Variants in AK3 observed in about 807,000 individuals in gnomAD.
The protein encoded by AK3 is adenylate kinase 3.
A neutral mutation model predicts 23.7 loss-of-function variants in AK3; 27 were observed. The ratio of observed to expected loss-of-function variants is 1.14; its 90% CI spans 0.84 to 1.57. The LOEUF (loss-of-function observed/expected upper bound fraction) is 1.57. Ranked by LOEUF, AK3 falls within the 40% of genes most tolerant of loss-of-function variation. The pLI is 0.00. For missense variants in AK3, 406 were observed against 285.6 expected (o/e 1.42, Z -3.04); for synonymous variants, 159 against 116.0 (o/e 1.37, Z -2.38).
chr9:4,723,012 A>C (rs1000554863), intron 1 of AK3, among the ~76,000 whole-genome samples: 6 of 152,248 alleles, frequency 3.9e-5, no homozygotes, highest in Middle Eastern at 3.2e-3. Context: ...CAGAGGTTGC[A>C]GTGAGCCGAG....
At chr9:4,713,123 A>G in intron 4 of AK3, 27 bp from the exon 5 acceptor site, 1 of 1,611,964 alleles carries the variant, frequency 6.2e-7, no homozygotes, top group Non-Finnish European at 8.5e-7. Context: ...AACAAAACAA[A>G]CACACACAGG....
intron 1 of AK3, among the ~76,000 whole-genome samples, 180 bp from the exon 2 acceptor site, chr9:4,722,805 C>G (rs1841935440): frequency 6.6e-6 from 1 of 152,144 alleles, no homozygotes; most frequent in South Asian, 2.1e-4. Context: ...ACCTGTAACC[C>G]CAGCACTTTG....
chr9:4,715,555 T>A (rs937422290), intron 4 of AK3, among the ~76,000 whole-genome samples: 2 of 152,008 alleles, frequency 1.3e-5, no homozygotes, highest in African/African-American at 4.8e-5. Context: ...CCACCATGCC[T>A]GGCTAATATT....
At chr9:4,726,055 A>T (rs189379013) in intron 1 of AK3, among the ~76,000 whole-genome samples, 1 of 152,328 alleles carries the variant, frequency 6.6e-6, no homozygotes, top group African/African-American at 2.4e-5. Flanking sequence ...GTGCAATAGC[A>T]TTATGTCTAA....
intron 1 of AK3, among the ~76,000 whole-genome samples, chr9:4,738,349 A>G (rs1222970313): frequency 1.3e-5 from 2 of 152,098 alleles, no homozygotes; most frequent in Non-Finnish European, 2.9e-5. Context: ...TATTTTTAGT[A>G]GAGACAGGGT....
chr9:4,722,286 G>A (rs1841918281), intron 2 of AK3, among the ~76,000 whole-genome samples: 1 of 152,180 alleles, frequency 6.6e-6, no homozygotes, highest in South Asian at 2.1e-4. Flanking sequence ...AGGAACTAAA[G>A]TTACATCTGA....
chr9:4,719,077 T>C (rs1479061917), intron 3 of AK3, 58 bp downstream of exon 3: 1 of 1,588,382 alleles, frequency 6.3e-7, no homozygotes, highest in Non-Finnish European at 8.6e-7. Context: ...TTATGTCTGT[T>C]AGGGCAAGAG....
intron 2 of AK3, among the ~76,000 whole-genome samples, chr9:4,720,230 T>A (rs894575622): frequency 1.3e-5 from 2 of 152,200 alleles, no homozygotes; most frequent in African/African-American, 4.8e-5. Context: ...CAGGCAAATG[T>A]ACCTAATGAG....
chr9:4,738,751 A>T (rs1842353759), intron 1 of AK3, among the ~76,000 whole-genome samples: 1 of 149,378 alleles, frequency 6.7e-6, no homozygotes, highest in Non-Finnish European at 1.5e-5. Context: ...TTTATAATAA[A>T]TATGCTTTAC....
chr9:4,735,925 G>C (rs1483351771), intron 1 of AK3, among the ~76,000 whole-genome samples: 1 of 151,288 alleles, frequency 6.6e-6, no homozygotes, highest in Non-Finnish European at 1.5e-5. Flanking sequence ...GACCAGCCCG[G>C]CTAACATGGT....
chr9:4,737,954 A>T (rs956296580), intron 1 of AK3, among the ~76,000 whole-genome samples: 34 of 152,196 alleles, frequency 2.2e-4, no homozygotes, highest in African/African-American at 8.0e-4. Flanking sequence ...CAATGACTGG[A>T]AACTAAATTG....
chr9:4,716,161 A>C (rs1587636705), intron 4 of AK3, among the ~76,000 whole-genome samples: 1 of 152,286 alleles, frequency 6.6e-6, no homozygotes, highest in East Asian at 1.9e-4. Context: ...CATTACCAAT[A>C]AATTCCCCTT....
chr9:4,738,042 A>G (rs1468281618), intron 1 of AK3, among the ~76,000 whole-genome samples: 1 of 152,266 alleles, frequency 6.6e-6, no homozygotes, highest in Non-Finnish European at 1.5e-5. Context: ...TGAAGGAAAT[A>G]AGCAAAGATT....
intron 4 of AK3, among the ~76,000 whole-genome samples, chr9:4,717,416 T>C (rs184246466): frequency 4.7e-4 from 71 of 152,350 alleles, no homozygotes; most frequent in African/African-American, 1.6e-3. Context: ...ATGTAAGCTT[T>C]TAAAGACTGC....
chr9:4,716,116 C>T (rs529228267), intron 4 of AK3, among the ~76,000 whole-genome samples: 1 of 152,274 alleles, frequency 6.6e-6, no homozygotes, highest in African/African-American at 2.4e-5. Flanking sequence ...TTTTGAACAC[C>T]TGGACCCATC....
rs1423264070 is a variant in AK3 at position 4,712,779 on chromosome 9, AGAT to A, written c.*194_*196del. 5 of 544,222 alleles carry A rather than the reference AGAT, an allele frequency of 9.2e-6. No individual in the cohort carries two copies. Among genetic ancestry groups the A allele is most frequent in the Non-Finnish European group, 1.5e-5 (5 of 329,574 alleles). The allele number at this position is 544,222 out of a possible 1,614,324, so 33.7% of individuals were successfully genotyped here. On this transcript the variant is annotated 3_prime_UTR_variant, in exon 5 of 5. Coordinates refer to ENST00000381809, the MANE Select transcript of AK3 (RefSeq NM_016282.4). ...TGAGGATAACTGCATACAACACACTAGATGATTTCAAACGATGCATCTTAGTAT... is the reference window on the plus strand; with the variant it reads ...TGAGGATAACTGCATACAACACACTAGATTTCAAACGATGCATCTTAGTAT...
At position 4,716,640 on chromosome 9, in the gene AK3, G is replaced by A. The variant is rs144211283; in HGVS notation, c.563+1779C>T. Among the ~76,000 whole-genome samples, 25 of 152,232 alleles carry A rather than the reference G, an allele frequency of 1.6e-4. No individual in the cohort carries two copies. In the East Asian group the frequency reaches 4.2e-3, roughly 26 times the overall value. On this transcript the variant is annotated intron_variant, in intron 4 of 4. Coordinates refer to ENST00000381809, the MANE Select transcript of AK3 (RefSeq NM_016282.4). Reference sequence around the variant, plus strand: ...TTTATGCTCCAGAAAAAATTAAGATGGTTTGAAAGGCCAGGCATGGTGGCT... The same window carrying A: ...TTTATGCTCCAGAAAAAATTAAGATAGTTTGAAAGGCCAGGCATGGTGGCT...
At position 4,712,929 on chromosome 9, in the gene AK3, C is replaced by G. The variant is rs1841599720; in HGVS notation, c.*47G>C. ...GAAAAGCAGCTTCTAAATGCAAGGA[C>G]TAGGAGGTTTGCCCATCTTACTATT... On this transcript the variant is annotated 3_prime_UTR_variant, in exon 5 of 5. Coordinates refer to ENST00000381809, the MANE Select transcript of AK3 (RefSeq NM_016282.4). The G allele has an allele frequency of 1.9e-6, 3 of 1,594,766 alleles. No individual in the cohort carries two copies. Among genetic ancestry groups the G allele is most frequent in the Non-Finnish European group, 2.6e-6 (3 of 1,169,644 alleles).
At chr9:4,726,758 C>T (rs992514067) in intron 1 of AK3, among the ~76,000 whole-genome samples, 1 of 150,818 alleles carries the variant, frequency 6.6e-6, no homozygotes, top group Non-Finnish European at 1.5e-5. Context: ...TCTAGAATGG[C>T]GCATCCTTTC....
Sources: allele counts gnomAD v4.1 joint callset (sites outside exome capture counted in the v4.1 genomes callset), GRCh38; gene constraint gnomAD v4.1.1; transcripts MANE v1.5; gene names NCBI Gene and HGNC (gene_info 2026-07-23, HGNC 2026-07-21).